Variants in TSPAN19 observed in about 807,000 individuals in gnomAD.
TSPAN19 encodes tetraspanin 19.
Under a neutral mutation model 35.1 loss-of-function variants are expected in TSPAN19, and 44 were observed. The observed-to-expected ratio is 1.25, with a 90% CI of 0.98 to 1.61. TSPAN19 has a LOEUF of 1.61. Ranked by LOEUF, TSPAN19 falls within the 40% of genes most tolerant of loss-of-function variation. TSPAN19 has a pLI of 0.00. For synonymous variants in TSPAN19, 79 were observed against 92.0 expected (o/e 0.86, Z 0.81); for missense variants, 290 against 280.0 (o/e 1.04, Z -0.26).
At chr12:85,021,582 C>T (rs577133975) in intron 5 of TSPAN19, among the ~76,000 whole-genome samples, 66 of 152,076 alleles carry the variant, frequency 4.3e-4, no homozygotes, top group Non-Finnish European at 8.2e-4. Context: ...TAAGTACTTT[C>T]CTATGTAACC....
At chr12:85,016,129 C>G (rs1876781791) in intron 7 of TSPAN19, 158 bp from the exon 8 acceptor site, 1 of 495,074 alleles carries the variant, frequency 2.0e-6, no homozygotes, top group Non-Finnish European at 3.5e-6. Context: ...GTCCAGAAAG[C>G]TTTCTACGGC....
intron 4 of TSPAN19, among the ~76,000 whole-genome samples, chr12:85,026,470 C>T (rs1473595266): frequency 6.6e-6 from 1 of 152,078 alleles, no homozygotes; most frequent in Non-Finnish European, 1.5e-5. Context: ...TCCAGAGCAA[C>T]AGAGCATAGT....
At chr12:85,020,275 C>G (rs903506565) in intron 5 of TSPAN19, among the ~76,000 whole-genome samples, 12 of 151,644 alleles carry the variant, frequency 7.9e-5, no homozygotes, top group African/African-American at 2.4e-4. Flanking sequence ...AATTCCTTCT[C>G]TCTCCAAGCC....
intron 6 of TSPAN19, among the ~76,000 whole-genome samples, chr12:85,019,196 A>G (rs1303215589): frequency 6.6e-6 from 1 of 151,920 alleles, no homozygotes; most frequent in Non-Finnish European, 1.5e-5. Flanking sequence ...TAGTATGCCC[A>G]CTTTACGAAT....
chr12:85,020,955 T>C (rs1877089807), intron 5 of TSPAN19, among the ~76,000 whole-genome samples: 1 of 152,064 alleles, frequency 6.6e-6, no homozygotes, highest in Non-Finnish European at 1.5e-5. Context: ...GATATAACTT[T>C]TTCTCTCCAA....
chr12:85,023,440 A>G (rs1357112168), intron 4 of TSPAN19, 40 bp from the exon 5 acceptor site: 5 of 1,461,416 alleles, frequency 3.4e-6, no homozygotes, highest in Non-Finnish European at 4.7e-6. Context: ...CTATGCTACT[A>G]ATATATGTTT....
At chr12:85,025,081 T>A (rs1347955644) in intron 4 of TSPAN19, among the ~76,000 whole-genome samples, 2 of 151,824 alleles carry the variant, frequency 1.3e-5, no homozygotes. Context: ...ACATGCAATA[T>A]CTCACTTAAT....
intron 5 of TSPAN19, among the ~76,000 whole-genome samples, chr12:85,022,227 A>G (rs375739265): frequency 4.0e-5 from 6 of 151,426 alleles, no homozygotes; most frequent in Non-Finnish European, 7.4e-5. Flanking sequence ...AAACACACGC[A>G]CACACACACA....
At chr12:85,035,176 T>G (rs1051554842) in intron 1 of TSPAN19, 1 of 152,080 alleles carries the variant, frequency 6.6e-6, no homozygotes, top group African/African-American at 2.4e-5. Context: ...GAGGATTACT[T>G]GAGTACAAGA....
At chr12:85,017,692 T>A in intron 6 of TSPAN19, 93 bp from the exon 7 acceptor site, 1 of 928,986 alleles carries the variant, frequency 1.1e-6, no homozygotes, top group Non-Finnish European at 1.6e-6. Context: ...GTGATGAAGA[T>A]AACTCATTAA....
chr12:85,033,131 A>G (rs1313234859), intron 1 of TSPAN19, among the ~76,000 whole-genome samples: 1 of 152,056 alleles, frequency 6.6e-6, no homozygotes, highest in Admixed American at 6.6e-5. Flanking sequence ...TTTCATAGAG[A>G]AGATGATTTT....
chr12:85,033,546 T>A (rs1261396301), intron 1 of TSPAN19, among the ~76,000 whole-genome samples: 2 of 152,106 alleles, frequency 1.3e-5, no homozygotes, highest in Non-Finnish European at 1.5e-5. Context: ...TGGAATGTAG[T>A]CTGTAGAAAT....
intron 6 of TSPAN19, among the ~76,000 whole-genome samples, chr12:85,017,997 T>C (rs1876909786): frequency 6.6e-6 from 1 of 151,868 alleles, no homozygotes; most frequent in Admixed American, 6.6e-5. Context: ...TCATAACTGT[T>C]TGGTATACCT....
At chr12:85,028,784 G>C (rs1877544962) in intron 3 of TSPAN19, among the ~76,000 whole-genome samples, 1 of 152,108 alleles carries the variant, frequency 6.6e-6, no homozygotes, top group South Asian at 2.1e-4. Context: ...TTAAACCATG[G>C]AAATGGGCAG....
intron 5 of TSPAN19, 86 bp from the exon 6 acceptor site, chr12:85,019,822 C>T: frequency 1.6e-6 from 1 of 634,980 alleles, no homozygotes; most frequent in South Asian, 2.4e-5. Context: ...TCAAGAGTAC[C>T]ATCATGAAAA....
chr12:85,015,309 T>G (rs1876732347), intron 8 of TSPAN19: 1 of 151,938 alleles, frequency 6.6e-6, no homozygotes, highest in Non-Finnish European at 1.5e-5. Context: ...AATTCTGCAG[T>G]TGACACCTTT....
chr12:85,020,142 G>C (rs1181082776), intron 5 of TSPAN19, among the ~76,000 whole-genome samples: 3 of 151,650 alleles, frequency 2.0e-5, no homozygotes, highest in African/African-American at 7.3e-5. Context: ...TTCTGTGGGG[G>C]TTTGTACTGT....
intron 4 of TSPAN19, 143 bp downstream of exon 4, chr12:85,027,756 G>T: frequency 1.3e-6 from 1 of 768,974 alleles, no homozygotes; most frequent in Non-Finnish European, 1.9e-6. Context: ...TTTGTTGGAG[G>T]GAGGAGGGTG....
At position 85,017,563 on chromosome 12, in the gene TSPAN19, T is replaced by A; in HGVS notation, c.487A>T (p.Ile163Leu). The change falls in exon 7 of 9, where the codon ATA becomes TTA. Residue 163 changes from isoleucine to leucine, a missense_variant. Physicochemically the swap from Ile to Leu is conservative, Grantham distance 5. Transcript: ENST00000532498. Reference sequence around the variant, plus strand: ...GAATTTTCTTTGTTCTTATTCTTTATCCAGTCTGTGTAATTATGTTGGCCA... The same window carrying A: ...GAATTTTCTTTGTTCTTATTCTTTAACCAGTCTGTGTAATTATGTTGGCCA... ...CCGQHNYTDW[I>L]KNKNKENSGQ... is the part of the protein sequence containing the mutation. The A allele has an allele frequency of 4.4e-6, 7 of 1,591,990 alleles. No homozygotes were observed. Among genetic ancestry groups the A allele is most frequent in the Non-Finnish European group, 6.0e-6 (7 of 1,167,626 alleles).
Sources: allele counts gnomAD v4.1 joint callset (sites outside exome capture counted in the v4.1 genomes callset), GRCh38; gene constraint gnomAD v4.1.1; transcripts MANE v1.5; gene names NCBI Gene and HGNC (gene_info 2026-07-23, HGNC 2026-07-21).